The following ATL2 variants were observed in gnomAD, a reference collection of about 807,000 sequenced individuals.
The protein encoded by ATL2 is atlastin-2.
In ATL2, 31 loss-of-function variants were observed where a neutral mutation model predicts 73.9. The observed-to-expected ratio is 0.42, with a 90% CI of 0.32 to 0.57. ATL2 has a LOEUF of 0.57. ATL2 is among the 20% of genes least tolerant of loss of function. ATL2 has a pLI of 0.14. For synonymous variants in ATL2, 291 were observed against 237.5 expected, an observed-to-expected ratio of 1.23 and a Z score of -2.07; for missense variants, 738 against 702.6, an observed-to-expected ratio of 1.05 and a Z score of -0.57.
chr2:38,326,142 T>G (rs1573489002), intron 2 of ATL2, among the ~76,000 whole-genome samples: 2 of 152,158 alleles, frequency 1.3e-5, no homozygotes, highest in Non-Finnish European at 2.9e-5. Context: ...TCCTACACTT[T>G]ACCACCTCAT....
intron 12 of ATL2, 75 bp downstream of exon 12, chr2:38,298,069 T>C: frequency 7.1e-7 from 1 of 1,404,118 alleles, no homozygotes; most frequent in Non-Finnish European, 9.7e-7. Context: ...AAAGTCGGAG[T>C]ACAAATACTG....
chr2:38,346,535 C>T (rs1472083386), intron 1 of ATL2, among the ~76,000 whole-genome samples: 1 of 152,182 alleles, frequency 6.6e-6, no homozygotes, highest in Admixed American at 6.5e-5. Context: ...TCATGAAAGA[C>T]AAGTTTTCCA....
rs751483731 is a variant in ATL2 at position 38,377,188 on chromosome 2, C to A, written c.73G>T (p.Asp25Tyr). The stretch of plus-strand genomic sequence containing the variant: ...ACGTGGTTAACCGCGGCGCTTGGGT[C>A]GCTGGTCCGTCGCCGGCGCCACAGC... ...QGLWRRRRTS[D>Y]PSAAVNHVSS... Residue 25 changes from aspartate to tyrosine, a missense_variant, in exon 1 of 13, where the codon GAC becomes TAC. Asp to Tyr is a radical substitution (Grantham distance 160). Transcript: ENST00000378954. 4.3e-6 allele frequency: 7 copies of A among 1,610,646 alleles called. No homozygotes were observed. In the East Asian group the frequency reaches 1.6e-4, roughly 36 times the overall value.
chr2:38,319,122 G>T, intron 2 of ATL2, 103 bp from the exon 3 acceptor site: 2 of 1,260,308 alleles, frequency 1.6e-6, no homozygotes, highest in Non-Finnish European at 2.2e-6. Flanking sequence ...GCTAAACCCG[G>T]AAAGACAAAA....
intron 1 of ATL2, among the ~76,000 whole-genome samples, chr2:38,374,658 T>C (rs1216556017): frequency 6.6e-6 from 1 of 152,228 alleles, no homozygotes; most frequent in Non-Finnish European, 1.5e-5. Flanking sequence ...TTTTAATACA[T>C]CTTGCTATGA....
intron 9 of ATL2, among the ~76,000 whole-genome samples, chr2:38,308,438 G>A (rs76595844): frequency 0.022 from 3,274 of 152,234 alleles, 119 homozygotes; most frequent in African/African-American, 0.074. Flanking sequence ...GTACTAGAAA[G>A]ATGGTTACTA....
intron 9 of ATL2, among the ~76,000 whole-genome samples, chr2:38,305,294 C>A (rs1335247631): frequency 6.6e-6 from 1 of 152,120 alleles, no homozygotes; most frequent in African/African-American, 2.4e-5. Context: ...TTTGGGAGGC[C>A]AAGGCAGGTG....
intron 9 of ATL2, among the ~76,000 whole-genome samples, chr2:38,305,811 T>C (rs531943662): frequency 2.0e-5 from 3 of 151,798 alleles, no homozygotes; most frequent in African/African-American, 7.3e-5. Flanking sequence ...TGGTAATAAG[T>C]GCCTACATCA....
chr2:38,352,525 G>A (rs913110513), intron 1 of ATL2, among the ~76,000 whole-genome samples: 5 of 152,142 alleles, frequency 3.3e-5, no homozygotes, highest in African/African-American at 1.2e-4. Context: ...CAGGATACCA[G>A]AGAAAAAGGA....
chr2:38,303,987 G>A (rs747236503), intron 9 of ATL2, among the ~76,000 whole-genome samples: 2 of 152,096 alleles, frequency 1.3e-5, no homozygotes, highest in Non-Finnish European at 2.9e-5. Context: ...CAACAGGCCA[G>A]GCACGGTGGC....
chr2:38,370,448 CAAAAA>C (rs55964015), intron 1 of ATL2, among the ~76,000 whole-genome samples: 3 of 55,212 alleles, frequency 5.4e-5, no homozygotes, highest in African/African-American at 9.6e-5. Context: ...GACTCTGTCC[CAAAAA>C]AAAAAAAAAA....
intron 1 of ATL2, among the ~76,000 whole-genome samples, chr2:38,374,915 T>C (rs957728290): frequency 6.6e-6 from 1 of 152,234 alleles, no homozygotes; most frequent in African/African-American, 2.4e-5. Context: ...CTTAAGGCCA[T>C]AATCTTATTT....
At chr2:38,360,672 G>T (rs186386708) in intron 1 of ATL2, among the ~76,000 whole-genome samples, 2 of 152,084 alleles carry the variant, frequency 1.3e-5, no homozygotes, top group Non-Finnish European at 2.9e-5. Flanking sequence ...GAGAAGTCTT[G>T]AAGAAAATCT....
At chr2:38,300,233 A>C (rs1215212112) in intron 10 of ATL2, 39 bp downstream of exon 10, 4 of 1,455,278 alleles carry the variant, frequency 2.7e-6, no homozygotes, top group Non-Finnish European at 3.8e-6. Context: ...CCTCATAAAT[A>C]AGTATATGTA....
intron 1 of ATL2, among the ~76,000 whole-genome samples, chr2:38,372,577 A>G (rs142503560): frequency 2.4e-3 from 360 of 152,312 alleles, no homozygotes; most frequent in African/African-American, 8.3e-3. Context: ...AAATCCTGCA[A>G]TTGAAATAAA....
At chr2:38,345,860 G>A in intron 1 of ATL2, among the ~76,000 whole-genome samples, 1 of 152,110 alleles carries the variant, frequency 6.6e-6, no homozygotes, top group East Asian at 1.9e-4. Context: ...CTGGAAAATG[G>A]GTGTGTGTCA....
At chr2:38,352,227 T>C (rs1670399209) in intron 1 of ATL2, among the ~76,000 whole-genome samples, 1 of 151,744 alleles carries the variant, frequency 6.6e-6, no homozygotes, top group Admixed American at 6.6e-5. Context: ...AATTCTATTT[T>C]GCATTTTTTA....
intron 2 of ATL2, among the ~76,000 whole-genome samples, chr2:38,337,741 A>C (rs996131450): frequency 6.6e-6 from 1 of 151,946 alleles, no homozygotes; most frequent in Admixed American, 6.6e-5. Flanking sequence ...AAGTGCTAAA[A>C]ATTGTTTAGT....
rs1046922696 is a variant in ATL2, at chr2:38,330,383, A to G, written c.364-11364T>C. ...ATTCATTATTTATCACTTGTACTCA[A>G]TACTACCAGAGGTTCTAGCTGGGAC... On this transcript the variant is annotated intron_variant, in intron 2 of 12. Transcript: ENST00000378954. 1.4e-4 allele frequency among the ~76,000 whole-genome samples: 22 copies of G among 152,278 alleles called. 1 individual carries two copies. Among genetic ancestry groups the G allele is most frequent in the Non-Finnish European group, 2.6e-4 (18 of 68,010 alleles).
Sources: allele counts gnomAD v4.1 joint callset (sites outside exome capture counted in the v4.1 genomes callset), GRCh38; gene constraint gnomAD v4.1.1; transcripts MANE v1.5; gene names NCBI Gene and HGNC (gene_info 2026-07-23, HGNC 2026-07-21).